The following LTBP1 variants were observed in gnomAD, a reference collection of about 807,000 sequenced individuals.
LTBP1 encodes the protein latent-transforming growth factor beta-binding protein 1.
Under a neutral mutation model 207.6 loss-of-function variants are expected in LTBP1, and 129 were observed. That is an observed-to-expected ratio of 0.62 (90% CI 0.54 to 0.72). LTBP1 has a LOEUF of 0.72. LTBP1 is among the 30% of genes least tolerant of loss of function. The pLI is 0.00. For synonymous variants in LTBP1, 963 were observed against 833.7 expected (o/e 1.16, Z -2.67); for missense variants, 2,281 against 2,217.2 (o/e 1.03, Z -0.58).
intron 24 of LTBP1, among the ~76,000 whole-genome samples, chr2:33,328,186 T>C (rs1445917696): frequency 1.5e-5 from 2 of 134,498 alleles, no homozygotes; most frequent in Non-Finnish European, 3.3e-5. Context: ...ATAAAATGCA[T>C]GTAGAAAAGT....
At chr2:33,190,093 T>G (rs1376824514) in intron 7 of LTBP1, among the ~76,000 whole-genome samples, 1 of 152,186 alleles carries the variant, frequency 6.6e-6, no homozygotes, top group Non-Finnish European at 1.5e-5. Flanking sequence ...AGTGTAACTT[T>G]AGGCCTACAT....
At chr2:33,141,446 A>G (rs1265945332) in intron 5 of LTBP1, among the ~76,000 whole-genome samples, 1 of 152,264 alleles carries the variant, frequency 6.6e-6, no homozygotes, top group African/African-American at 2.4e-5. Context: ...TTTTACCACA[A>G]TTATAAAAAC....
intron 5 of LTBP1, among the ~76,000 whole-genome samples, chr2:33,142,414 C>T (rs2082704422): frequency 6.6e-6 from 1 of 152,190 alleles, no homozygotes; most frequent in Middle Eastern, 3.4e-3. Flanking sequence ...ATGGAGCTTG[C>T]TTTTAATTAA....
At chr2:33,153,294 A>G (rs2083688479) in intron 5 of LTBP1, among the ~76,000 whole-genome samples, 1 of 152,202 alleles carries the variant, frequency 6.6e-6, no homozygotes, top group Admixed American at 6.5e-5. Context: ...GAAAACTTGT[A>G]AGTGACTCTG....
At position 33,303,442 on chromosome 2, in the gene LTBP1, C is replaced by T. The variant is rs796774234; in HGVS notation, c.3481+1798C>T. 5.8e-4 allele frequency among the ~76,000 whole-genome samples: 88 copies of T among 151,870 alleles called. 2 individuals are homozygous for T. The highest frequency in any genetic ancestry group is 2.1e-3 in the African/African-American group (86 of 41,418). On this transcript the variant is annotated intron_variant, in intron 22 of 33. Coordinates refer to ENST00000404816, the MANE Select transcript of LTBP1 (RefSeq NM_206943.4). ...TCAGCTCACTGCAAGCTTCGCCTCC[C>T]AGGTTCACACCATTCTCCTGCCTCA...
intron 3 of LTBP1, among the ~76,000 whole-genome samples, chr2:33,039,810 A>G (rs1485146721): frequency 6.6e-6 from 1 of 152,184 alleles, no homozygotes; most frequent in Non-Finnish European, 1.5e-5. Context: ...TAACAGGGTC[A>G]GTACTGGAGT....
At position 33,134,472 on chromosome 2, in the gene LTBP1, C is replaced by T; in HGVS notation, c.1034-321C>T. 1.8e-6 allele frequency: 2 copies of T among 1,140,614 alleles called. No homozygotes were observed. The highest frequency in any genetic ancestry group is 2.5e-6 in the Non-Finnish European group (2 of 810,008). 70.7% of individuals were successfully genotyped at this position (1,140,614 alleles called of 1,614,324 possible). A position where few individuals can be genotyped will look rare whatever the true frequency, so the allele number is the denominator to read the frequency against. On this transcript the variant is annotated intron_variant, in intron 4 of 33. Coordinates refer to ENST00000404816, the MANE Select transcript of LTBP1 (RefSeq NM_206943.4). This position sits in a 1 kb window ranked among gnomAD's most constrained non-coding sequence, Gnocchi z 4.4. The stretch of plus-strand genomic sequence containing the variant: ...AATCTGTCGTGCCCTCGGTATTGCT[C>T]TTTGTCTGCCCGTGAATAAAGTGCA...
intron 2 of LTBP1, among the ~76,000 whole-genome samples, chr2:32,958,283 C>T (rs985490322): frequency 2.6e-5 from 4 of 152,188 alleles, no homozygotes; most frequent in Non-Finnish European, 5.9e-5. Context: ...ACATTAAAAA[C>T]GCATAGAGAG....
intron 3 of LTBP1, among the ~76,000 whole-genome samples, chr2:33,101,262 G>C (rs577936914): frequency 6.6e-6 from 1 of 152,282 alleles, no homozygotes; most frequent in East Asian, 1.9e-4. Context: ...AAAATTTTAA[G>C]TGAAGCTTAT....
chr2:33,054,547 T>C (rs2076895688), intron 3 of LTBP1, among the ~76,000 whole-genome samples: 1 of 152,138 alleles, frequency 6.6e-6, no homozygotes, highest in South Asian at 2.1e-4. Flanking sequence ...CCCTCCCTAA[T>C]AAGGTGTGGG....
intron 4 of LTBP1, among the ~76,000 whole-genome samples, chr2:33,130,611 C>T (rs975938008): frequency 1.3e-5 from 2 of 152,134 alleles, no homozygotes; most frequent in Non-Finnish European, 2.9e-5. Flanking sequence ...GGAGGGGTAT[C>T]GGCTTCACTT....
At chr2:33,232,238 T>A (rs962454797) in intron 9 of LTBP1, among the ~76,000 whole-genome samples, 24 of 152,190 alleles carry the variant, frequency 1.6e-4, no homozygotes, top group Non-Finnish European at 1.9e-4. Context: ...GGATTCTGGC[T>A]AAACTAACTT....
At chr2:33,182,822 TAAA>T in intron 5 of LTBP1, among the ~76,000 whole-genome samples, 1 of 150,666 alleles carries the variant, frequency 6.6e-6, no homozygotes, top group Non-Finnish European at 1.5e-5. Context: ...CTTTGCATCT[TAAA>T]AATCAATTTA....
intron 16 of LTBP1, among the ~76,000 whole-genome samples, chr2:33,274,042 A>G (rs1022056853): frequency 6.6e-6 from 1 of 152,256 alleles, no homozygotes; most frequent in Non-Finnish European, 1.5e-5. Flanking sequence ...CTTTTTGGGT[A>G]AAGTAAACAA....
At chr2:33,237,658 C>T (rs1354215204) in intron 9 of LTBP1, among the ~76,000 whole-genome samples, 1 of 152,194 alleles carries the variant, frequency 6.6e-6, no homozygotes, top group Non-Finnish European at 1.5e-5. Context: ...GCCAGATCTT[C>T]TTATGAAAGA....
Position 33,170,877 on chromosome 2 carries a change from C to A in LTBP1, c.1202-15979C>A, listed in dbSNP as rs555785445. 4.7e-3 allele frequency among the ~76,000 whole-genome samples: 713 copies of A among 152,100 alleles called. 5 individuals carry two copies. The highest frequency in any genetic ancestry group is 0.016 in the African/African-American group (670 of 41,474). Reference sequence around the variant, plus strand: ...CGAAAATCTGCTGTTCTACAGCCACCGCTGCTGGTACCCAGGCAAACAGGG... The same window carrying A: ...CGAAAATCTGCTGTTCTACAGCCACAGCTGCTGGTACCCAGGCAAACAGGG... On this transcript the variant is annotated intron_variant, in intron 5 of 33. Transcript: ENST00000404816.
chr2:32,994,335 T>C (rs1684905689), intron 2 of LTBP1, among the ~76,000 whole-genome samples: 1 of 152,120 alleles, frequency 6.6e-6, no homozygotes, highest in African/African-American at 2.4e-5. Context: ...ATTATGCTAA[T>C]TTTACAGATC....
intron 26 of LTBP1, among the ~76,000 whole-genome samples, chr2:33,360,272 CA>C (rs2094912281): frequency 6.6e-6 from 1 of 152,108 alleles, no homozygotes; most frequent in Admixed American, 6.5e-5. Context: ...AGCTCAGTAA[CA>C]AATGGCCCTA....
At chr2:33,125,374 C>G (rs971858072) in intron 4 of LTBP1, among the ~76,000 whole-genome samples, 43 of 152,252 alleles carry the variant, frequency 2.8e-4, no homozygotes, top group African/African-American at 1.0e-3. Context: ...GGCACTCAGT[C>G]CTTGTCTCTC....
Sources: allele counts gnomAD v4.1 joint callset (sites outside exome capture counted in the v4.1 genomes callset), GRCh38; gene constraint gnomAD v4.1.1; non-coding constraint Gnocchi (gnomAD v3.1); transcripts MANE v1.5; gene names NCBI Gene and HGNC (gene_info 2026-07-23, HGNC 2026-07-21).